Variants in TMEM132C observed in about 807,000 individuals in gnomAD.
TMEM132C encodes protein phosphatase 1, regulatory subunit 152.
TMEM132C carries 29 observed loss-of-function variants against 61.4 expected under a neutral mutation model. The ratio of observed to expected loss-of-function variants is 0.47; its 90% CI spans 0.35 to 0.64. The LOEUF (loss-of-function observed/expected upper bound fraction) is 0.64, where lower values mean the gene tolerates loss of function less well. Among genes scored for constraint, TMEM132C ranks in the 30% least tolerant of loss-of-function variants. The probability of loss-of-function intolerance (pLI) is 0.00; values close to 1 mark genes in which losing one functional copy is unlikely to be tolerated. For missense variants in TMEM132C, 1,408 were observed against 1,476.9 expected, an observed-to-expected ratio of 0.95 and a Z score of 0.76; for synonymous variants, 656 against 633.1, an observed-to-expected ratio of 1.04 and a Z score of -0.54.
intron 3 of TMEM132C, among the ~76,000 whole-genome samples, chr12:128,582,398 A>G (rs187844594): frequency 1.3e-5 from 2 of 148,844 alleles, no homozygotes; most frequent in East Asian, 2.0e-4. Context: ...GGGAGTATAC[A>G]TTGATATAGA....
intron 3 of TMEM132C, among the ~76,000 whole-genome samples, chr12:128,573,750 G>A (rs1874987969): frequency 6.6e-6 from 1 of 152,130 alleles, no homozygotes; most frequent in Admixed American, 6.5e-5. Flanking sequence ...TTCAGTTTGG[G>A]AGGATGAAAA....
chr12:128,388,748 C>G (rs1164297389), intron 1 of TMEM132C, among the ~76,000 whole-genome samples: 1 of 152,234 alleles, frequency 6.6e-6, no homozygotes, highest in African/African-American at 2.4e-5. Flanking sequence ...GCAGCTGACG[C>G]CGGCTGGCTT....
intron 1 of TMEM132C, among the ~76,000 whole-genome samples, chr12:128,379,687 C>A (rs1874340296): frequency 6.6e-6 from 1 of 152,210 alleles, no homozygotes; most frequent in Non-Finnish European, 1.5e-5. Flanking sequence ...GATTAAGAGT[C>A]CATTCCAAAT....
intron 1 of TMEM132C, among the ~76,000 whole-genome samples, chr12:128,354,953 C>A (rs1444366499): frequency 6.6e-6 from 1 of 152,208 alleles, no homozygotes; most frequent in Non-Finnish European, 1.5e-5. Flanking sequence ...CCTCTTCCAA[C>A]TTCCACTACC....
At chr12:128,686,460 G>A (rs888361193) in intron 5 of TMEM132C, among the ~76,000 whole-genome samples, 7 of 152,192 alleles carry the variant, frequency 4.6e-5, no homozygotes, top group African/African-American at 1.4e-4. Context: ...GGGCATGGTG[G>A]TGTGTGCCTG....
rs529405116 is a variant in TMEM132C, at chr12:128,588,037, G to A, written c.1122-28115G>A. 1.4e-4 allele frequency among the ~76,000 whole-genome samples: 22 copies of A among 152,288 alleles called. No individual in the cohort carries two copies. The South Asian group carries it at 3.5e-3, about 24-fold the overall frequency. On this transcript the variant is annotated intron_variant, in intron 3 of 8. Transcript: ENST00000435159. Reference sequence around the variant, plus strand: ...TCTGTGCAAAGCATATTGAATTCTTGTAACACCCTAGGACAGAGGCACTTT... The same window carrying A: ...TCTGTGCAAAGCATATTGAATTCTTATAACACCCTAGGACAGAGGCACTTT...
At chr12:128,694,389 T>C (rs1317385903) in intron 6 of TMEM132C, among the ~76,000 whole-genome samples, 1 of 152,246 alleles carries the variant, frequency 6.6e-6, no homozygotes, top group Non-Finnish European at 1.5e-5. Context: ...TTTATGCATA[T>C]CTATAAGCTT....
At chr12:128,380,609 T>C (rs968433931) in intron 1 of TMEM132C, among the ~76,000 whole-genome samples, 2 of 152,234 alleles carry the variant, frequency 1.3e-5, no homozygotes, top group Non-Finnish European at 2.9e-5. Context: ...TACTGAATCA[T>C]TGCTCTAAAG....
chr12:128,410,165 C>G (rs993258183), intron 1 of TMEM132C, among the ~76,000 whole-genome samples: 1 of 151,898 alleles, frequency 6.6e-6, no homozygotes, highest in African/African-American at 2.4e-5. Context: ...TTTATTTCAA[C>G]GAACAGTTTT....
At chr12:128,485,262 C>T (rs554891009) in intron 2 of TMEM132C, among the ~76,000 whole-genome samples, 8 of 152,198 alleles carry the variant, frequency 5.3e-5, no homozygotes, top group Admixed American at 2.0e-4. Context: ...CTGCAACCTC[C>T]GCCTCGCAGG....
At chr12:128,647,531 G>A (rs11830495) in intron 4 of TMEM132C, among the ~76,000 whole-genome samples, 5,422 of 132,450 alleles carry the variant, frequency 0.041, 301 homozygotes, top group African/African-American at 0.14. Context: ...TGTTTACTGG[G>A]GTCCATCAGC....
At chr12:128,449,076 G>T (rs1174602062) in intron 2 of TMEM132C, among the ~76,000 whole-genome samples, 1 of 143,318 alleles carries the variant, frequency 7.0e-6, no homozygotes, top group Non-Finnish European at 1.5e-5. Context: ...GGCAGAGCTT[G>T]CAGTGAGCCG....
intron 1 of TMEM132C, 133 bp downstream of exon 1, chr12:128,267,620 C>T (rs1420672241): frequency 1.4e-6 from 1 of 739,328 alleles, no homozygotes; most frequent in African/African-American, 1.9e-5. Context: ...ATCAACAGCG[C>T]CTCTGCGGGT....
chr12:128,582,782 C>A (rs535227910), intron 3 of TMEM132C, among the ~76,000 whole-genome samples: 1 of 152,248 alleles, frequency 6.6e-6, no homozygotes, highest in South Asian at 2.1e-4. Flanking sequence ...TCAGGTATGT[C>A]TTTATCAGCA....
chr12:128,518,427 G>T (rs1484204172), intron 2 of TMEM132C, among the ~76,000 whole-genome samples: 2 of 152,186 alleles, frequency 1.3e-5, no homozygotes, highest in Non-Finnish European at 2.9e-5. Flanking sequence ...TGGCTTGCTG[G>T]TTTGGCATCC....
chr12:128,558,465 A>G (rs1037989779), intron 3 of TMEM132C, among the ~76,000 whole-genome samples: 1 of 152,200 alleles, frequency 6.6e-6, no homozygotes, highest in East Asian at 1.9e-4. Flanking sequence ...CCACCATGTA[A>G]GATGTGACTT....
chr12:128,347,455 G>C (rs1271017450), intron 1 of TMEM132C, among the ~76,000 whole-genome samples: 14 of 135,500 alleles, frequency 1.0e-4, no homozygotes, highest in Admixed American at 9.9e-4. Context: ...TTCTGACAGA[G>C]TTTTGCTCTG....
At chr12:128,557,151 C>T (rs115187752) in intron 3 of TMEM132C, among the ~76,000 whole-genome samples, 1,695 of 152,180 alleles carry the variant, frequency 0.011, 36 homozygotes, top group African/African-American at 0.038. Context: ...GAGATATTGA[C>T]GGGTTTGTCA....
chr12:128,336,915 G>A (rs947422113), intron 1 of TMEM132C, among the ~76,000 whole-genome samples: 1 of 152,122 alleles, frequency 6.6e-6, no homozygotes, highest in Non-Finnish European at 1.5e-5. Context: ...TTCATATCCC[G>A]CATTTGTGCC....
Sources: allele counts gnomAD v4.1 joint callset (sites outside exome capture counted in the v4.1 genomes callset), GRCh38; gene constraint gnomAD v4.1.1; transcripts MANE v1.5; gene names NCBI Gene and HGNC (gene_info 2026-07-23, HGNC 2026-07-21).